The following SNRK variants were observed in gnomAD, a reference collection of about 807,000 sequenced individuals.
The protein encoded by SNRK is SNF-related serine/threonine-protein kinase.
In SNRK, 3 loss-of-function variants were observed where a neutral mutation model predicts 48.2. That is an observed-to-expected ratio of 0.06 (90% CI 0.03 to 0.16). The LOEUF (loss-of-function observed/expected upper bound fraction) is 0.16. Ranked by LOEUF, SNRK falls within the 10% of genes least tolerant of loss-of-function variation. The pLI is 1.00. For synonymous variants in SNRK, 376 were observed against 366.1 expected (o/e 1.03, Z -0.31); for missense variants, 627 against 976.0 (o/e 0.64, Z 4.76).
chr3:43,319,956 C>T (rs1039494305), intron 3 of SNRK, among the ~76,000 whole-genome samples: 3 of 152,106 alleles, frequency 2.0e-5, no homozygotes, highest in Non-Finnish European at 4.4e-5. Flanking sequence ...CACTATGAAG[C>T]CCTTTTTTGG....
chr3:43,318,252 A>C (rs1172556346), intron 3 of SNRK, among the ~76,000 whole-genome samples: 1 of 152,136 alleles, frequency 6.6e-6, no homozygotes, highest in African/African-American at 2.4e-5. Flanking sequence ...GTTTTCTCAC[A>C]TGTTTTTAGT....
At chr3:43,341,237 G>A (rs896950635) in intron 5 of SNRK, among the ~76,000 whole-genome samples, 10 of 151,166 alleles carry the variant, frequency 6.6e-5, no homozygotes, top group African/African-American at 2.4e-4. Flanking sequence ...TGCAAGCTCC[G>A]CCTCCCGGGT....
intron 1 of SNRK, among the ~76,000 whole-genome samples, chr3:43,296,622 T>A (rs776218469): frequency 2.0e-4 from 30 of 152,054 alleles, no homozygotes; most frequent in Non-Finnish European, 3.4e-4. Context: ...CACAGTGGTA[T>A]CCAGGCAGAG....
intron 3 of SNRK, among the ~76,000 whole-genome samples, chr3:43,309,376 T>G (rs2125624204): frequency 6.6e-6 from 1 of 152,280 alleles, no homozygotes; most frequent in East Asian, 1.9e-4. Context: ...ACAGTTCTAC[T>G]GTAGGTAAAA....
At chr3:43,313,469 AT>A (rs1458804147) in intron 3 of SNRK, among the ~76,000 whole-genome samples, 1 of 152,238 alleles carries the variant, frequency 6.6e-6, no homozygotes, top group Non-Finnish European at 1.5e-5. Context: ...ATATAATTCC[AT>A]TTATAAAATT....
chr3:43,343,010 A>G (rs2091249054), intron 5 of SNRK, among the ~76,000 whole-genome samples: 1 of 151,586 alleles, frequency 6.6e-6, no homozygotes, highest in African/African-American at 2.4e-5. Context: ...AAATACAAAC[A>G]CTGTACACAC....
chr3:43,317,033 GTCCT>G (rs1373830181), intron 3 of SNRK, among the ~76,000 whole-genome samples: 2 of 152,098 alleles, frequency 1.3e-5, no homozygotes, highest in Non-Finnish European at 2.9e-5. Flanking sequence ...TTTTAAAAGG[GTCCT>G]TAGTGCCTCT....
intron 3 of SNRK, among the ~76,000 whole-genome samples, chr3:43,328,751 G>T (rs1289999654): frequency 6.6e-6 from 1 of 152,054 alleles, no homozygotes; most frequent in African/African-American, 2.4e-5. Context: ...ATCTCAAACT[G>T]TGTTGGCTTT....
Position 43,286,624 on chromosome 3 carries a change from G to T in SNRK, c.-220G>T, listed in dbSNP as rs141210890. The T allele has an allele frequency of 0.014, 2,065 of 150,130 alleles. 24 individuals carry two copies. Among genetic ancestry groups the T allele is most frequent in the Non-Finnish European group, 0.022 (1,510 of 67,210 alleles). The allele number at this position is 150,130 out of a possible 1,614,324, so 9.3% of individuals were successfully genotyped here. ...GGTGCGGGGTTTCGGCGGCCGGGAG[G>T]GAGTTGTCGGCGCCGCGGCCGCTGC... is the stretch of plus-strand genomic sequence containing the variant. On this transcript the variant is annotated 5_prime_UTR_variant, in exon 1 of 7. Coordinates refer to ENST00000296088, the MANE Select transcript of SNRK (RefSeq NM_017719.5).
intron 3 of SNRK, among the ~76,000 whole-genome samples, chr3:43,313,185 T>C (rs1445259493): frequency 6.8e-6 from 1 of 147,966 alleles, no homozygotes; most frequent in Non-Finnish European, 1.5e-5. Context: ...TATGCTCTTA[T>C]AAAACTAAAT....
chr3:43,298,238 G>C (rs1348271110), intron 1 of SNRK, among the ~76,000 whole-genome samples: 3 of 152,194 alleles, frequency 2.0e-5, no homozygotes, highest in Admixed American at 6.5e-5. Context: ...TGATTGGTGA[G>C]CTGGGATTCA....
At chr3:43,340,701 A>T (rs1396193843) in intron 5 of SNRK, 1 of 571,672 alleles carries the variant, frequency 1.7e-6, no homozygotes, top group African/African-American at 1.9e-5. Context: ...GCTAGTGAAC[A>T]AGTAAGCCAT....
chr3:43,287,236 C>G (rs1232583032), intron 1 of SNRK, among the ~76,000 whole-genome samples: 1 of 152,138 alleles, frequency 6.6e-6, no homozygotes, highest in Admixed American at 6.5e-5. Context: ...AGGAGCAGTG[C>G]CATTCCCGAG....
chr3:43,326,864 G>C (rs2091100575), intron 3 of SNRK, among the ~76,000 whole-genome samples: 1 of 152,202 alleles, frequency 6.6e-6, no homozygotes, highest in Non-Finnish European at 1.5e-5. Context: ...GTAGGTATCA[G>C]ATGATGGCAT....
At chr3:43,343,245 A>G (rs1170338089) in intron 5 of SNRK, 99 bp from the exon 6 acceptor site, 13 of 1,392,308 alleles carry the variant, frequency 9.3e-6, no homozygotes, top group Admixed American at 2.8e-5. Flanking sequence ...GATTCCAGCC[A>G]TTGAATTTAA....
chr3:43,302,220 C>G (rs2090902803), intron 2 of SNRK, among the ~76,000 whole-genome samples: 1 of 152,108 alleles, frequency 6.6e-6, no homozygotes, highest in South Asian at 2.1e-4. Flanking sequence ...AGAACCCCCT[C>G]AAAACATTTA....
At chr3:43,286,977 C>G (rs1213735467) in intron 1 of SNRK, among the ~76,000 whole-genome samples, 2 of 146,116 alleles carry the variant, frequency 1.4e-5, no homozygotes, top group African/African-American at 4.9e-5. Flanking sequence ...CCTGCCCTTG[C>G]GGCCGCGGCG....
chr3:43,348,785 A>G lies in SNRK; in HGVS notation c.*228A>G. 1 of 401,946 alleles carries G rather than the reference A, an allele frequency of 2.5e-6. No homozygotes were observed. Among genetic ancestry groups the G allele is most frequent in the Non-Finnish European group, 4.4e-6 (1 of 229,216 alleles). The allele number at this position is 401,946 out of a possible 1,614,324, so 24.9% of individuals were successfully genotyped here. ...CTATTATGTAATTTTTACATTCATAATTTTAATGTGGATGATCAGGATTAA... is the reference window on the plus strand; with the variant it reads ...CTATTATGTAATTTTTACATTCATAGTTTTAATGTGGATGATCAGGATTAA... On this transcript the variant is annotated 3_prime_UTR_variant, in exon 7 of 7. Coordinates refer to ENST00000296088, the MANE Select transcript of SNRK (RefSeq NM_017719.5).
intron 3 of SNRK, among the ~76,000 whole-genome samples, chr3:43,308,533 C>T (rs967410167): frequency 6.6e-6 from 1 of 152,208 alleles, no homozygotes; most frequent in Non-Finnish European, 1.5e-5. Context: ...ATATACTCTA[C>T]CTGTGCTCTA....
Sources: allele counts gnomAD v4.1 joint callset (sites outside exome capture counted in the v4.1 genomes callset), GRCh38; gene constraint gnomAD v4.1.1; transcripts MANE v1.5; gene names NCBI Gene and HGNC (gene_info 2026-07-23, HGNC 2026-07-21).